The following SEMA3C variants were observed in gnomAD, a reference collection of about 807,000 sequenced individuals.
SEMA3C encodes semaphorin-3C.
Under a neutral mutation model 89.4 loss-of-function variants are expected in SEMA3C, and 47 were observed. The observed-to-expected ratio is 0.53, with a 90% CI of 0.42 to 0.67. SEMA3C has a LOEUF of 0.67. Ranked by LOEUF, SEMA3C falls within the 30% of genes least tolerant of loss-of-function variation. The pLI, the probability that SEMA3C is intolerant of heterozygous loss-of-function variation, is 0.00. For synonymous variants in SEMA3C, 310 were observed against 320.2 expected (o/e 0.97, Z 0.34); for missense variants, 839 against 929.1 (o/e 0.90, Z 1.26).
upstream of SEMA3C, chr7:80,919,332 C>T (rs1792362559): frequency 1.0e-6 from 1 of 985,242 alleles, no homozygotes; most frequent in East Asian, 1.1e-4. Context: ...AGCTCCGCAA[C>T]CCTGCTCCTT....
At chr7:80,794,939 C>T (rs544396069) in intron 11 of SEMA3C, among the ~76,000 whole-genome samples, 14 of 152,214 alleles carry the variant, frequency 9.2e-5, no homozygotes, top group East Asian at 3.9e-4. Context: ...AGCTACCAAC[C>T]GTGTTTTAAA....
chr7:80,744,823 C>T lies in SEMA3C; in HGVS notation c.*71G>A, dbSNP rs1787761281. On this transcript the variant is annotated 3_prime_UTR_variant, in exon 18 of 18. Coordinates refer to ENST00000265361, the MANE Select transcript of SEMA3C (RefSeq NM_006379.5). ...ATTCCCCTTGGTAAAGCACAAGTTT[C>T]TTTGCTCAAAATTTGATCATTGAAG... 1 of 1,555,588 alleles carries T rather than the reference C, an allele frequency of 6.4e-7. No homozygotes were observed. The highest frequency in any genetic ancestry group is 1.4e-5 in the African/African-American group (1 of 72,930).
intron 12 of SEMA3C, among the ~76,000 whole-genome samples, chr7:80,774,979 A>C (rs945809746): frequency 2.6e-5 from 4 of 152,110 alleles, no homozygotes; most frequent in African/African-American, 9.7e-5. Flanking sequence ...GAAAAAATAC[A>C]TTGTCATGGG....
intron 16 of SEMA3C, among the ~76,000 whole-genome samples, chr7:80,749,271 T>C (rs571384433): frequency 6.6e-6 from 1 of 152,304 alleles, no homozygotes; most frequent in African/African-American, 2.4e-5. Context: ...GAAAATCATG[T>C]TTATTCAAGA....
rs563893037 is a variant in SEMA3C, at chr7:80,883,077, T to A, written c.103+33602A>T. Among the ~76,000 whole-genome samples the A allele has an allele frequency of 1.1e-4, 16 of 152,308 alleles. No individual in the cohort carries two copies. In the South Asian group the frequency reaches 2.7e-3, roughly 26 times the overall value. ...CTTTCATTAGGTAAATTGCTTTGAA[T>A]GACTTCTTTCATGTTTTACTGTTAT... On this transcript the variant is annotated intron_variant, in intron 2 of 17. Coordinates refer to ENST00000265361, the MANE Select transcript of SEMA3C (RefSeq NM_006379.5).
chr7:80,879,925 A>G (rs1791293784), intron 2 of SEMA3C, among the ~76,000 whole-genome samples: 1 of 152,118 alleles, frequency 6.6e-6, no homozygotes, highest in Non-Finnish European at 1.5e-5. Context: ...TCTCTTCTTT[A>G]TAGGAGACCC....
At chr7:80,811,551 T>C (rs972726968) in intron 5 of SEMA3C, among the ~76,000 whole-genome samples, 1 of 147,306 alleles carries the variant, frequency 6.8e-6, no homozygotes, top group African/African-American at 2.5e-5. Context: ...AAATTCAAAG[T>C]AAAAAAAAAA....
At chr7:80,821,321 G>A (rs1342659537) in intron 4 of SEMA3C, among the ~76,000 whole-genome samples, 1 of 152,316 alleles carries the variant, frequency 6.6e-6, no homozygotes, top group African/African-American at 2.4e-5. Flanking sequence ...CATATAGGTA[G>A]TAACTAAAGC....
chr7:80,804,221 A>G lies in SEMA3C; in HGVS notation c.686T>C (p.Ile229Thr), dbSNP rs1789283954. The G allele has an allele frequency of 2.5e-6, 4 of 1,608,414 alleles. No homozygotes were observed. The highest frequency in any genetic ancestry group is 3.4e-6 in the Non-Finnish European group (4 of 1,177,258). ...SEPMFVDAHV[I>T]PDGTDPNDAK... ...ATCATTTGGATCAGTACCATCTGGG[A>G]TGACATGTGCATCTACAAACATAGG... The change falls in exon 8 of 18, where the codon ATC becomes ACC. Residue 229 changes from isoleucine to threonine, a missense_variant. Coordinates refer to ENST00000265361, the MANE Select transcript of SEMA3C (RefSeq NM_006379.5).
chr7:80,787,369 G>A (rs1224597406), intron 12 of SEMA3C, among the ~76,000 whole-genome samples: 1 of 148,888 alleles, frequency 6.7e-6, no homozygotes, highest in Non-Finnish European at 1.5e-5. Flanking sequence ...TCCAGCCTGG[G>A]TGATAGAGCA....
At chr7:80,762,557 G>T (rs140214567) in intron 13 of SEMA3C, among the ~76,000 whole-genome samples, 1 of 152,092 alleles carries the variant, frequency 6.6e-6, no homozygotes, top group African/African-American at 2.4e-5. Context: ...AGTGGCTCAC[G>T]CCTGTAATCC....
At chr7:80,920,379 T>G (rs1325357810), upstream of SEMA3C, among the ~76,000 whole-genome samples, 1 of 152,156 alleles carries the variant, frequency 6.6e-6, no homozygotes. Flanking sequence ...TACCTGACAA[T>G]TCACATAATG....
chr7:80,826,849 T>C (rs1052304931), intron 4 of SEMA3C, among the ~76,000 whole-genome samples: 35 of 152,304 alleles, frequency 2.3e-4, no homozygotes, highest in Admixed American at 7.2e-4. Flanking sequence ...GAAATCAATA[T>C]AGATTTCTTC....
At chr7:80,855,093 T>C (rs1159785103) in intron 2 of SEMA3C, among the ~76,000 whole-genome samples, 1 of 152,192 alleles carries the variant, frequency 6.6e-6, no homozygotes, top group Non-Finnish European at 1.5e-5. Flanking sequence ...GCCCTTTCCA[T>C]GATTACGGAT....
chr7:80,899,619 A>G (rs1006979764), intron 2 of SEMA3C, among the ~76,000 whole-genome samples: 1 of 152,152 alleles, frequency 6.6e-6, no homozygotes, highest in Non-Finnish European at 1.5e-5. Flanking sequence ...GCTTTACTCT[A>G]GACCAAGAGT....
At chr7:80,919,446 A>G (rs756246143), upstream of SEMA3C, 1 of 898,858 alleles carries the variant, frequency 1.1e-6, no homozygotes, top group East Asian at 1.2e-4. Flanking sequence ...CGTAAATATC[A>G]AAGTGCAAAG....
At chr7:80,754,420 C>A (rs1019148246) in intron 15 of SEMA3C, among the ~76,000 whole-genome samples, 1 of 151,882 alleles carries the variant, frequency 6.6e-6, no homozygotes, top group Non-Finnish European at 1.5e-5. Context: ...TCGTGTTTTG[C>A]TTAGAGAGTG....
At chr7:80,860,650 G>A (rs1193891046) in intron 2 of SEMA3C, among the ~76,000 whole-genome samples, 1 of 152,164 alleles carries the variant, frequency 6.6e-6, no homozygotes, top group African/African-American at 2.4e-5. Flanking sequence ...GTTGAGGTTT[G>A]AGATCCCAAA....
At chr7:80,805,300 T>G (rs1396377754) in intron 7 of SEMA3C, among the ~76,000 whole-genome samples, 1 of 152,070 alleles carries the variant, frequency 6.6e-6, no homozygotes, top group African/African-American at 2.4e-5. Context: ...GCAGATTAAA[T>G]GAAGTAAAAA....
Sources: gnomAD v4.1 joint callset for allele counts (sites outside exome capture counted in the v4.1 genomes callset) on GRCh38, gnomAD v4.1.1 for gene constraint, MANE v1.5 for transcripts, NCBI Gene and HGNC (gene_info 2026-07-23, HGNC 2026-07-21) for gene names.